RBAK: variants seen among roughly 807,000 people sequenced by gnomAD.
The protein encoded by RBAK is RB-associated KRAB zinc finger protein.
A neutral mutation model predicts 65.8 loss-of-function variants in RBAK; 39 were observed. The ratio of observed to expected loss-of-function variants is 0.59; its 90% CI spans 0.46 to 0.77. The LOEUF is 0.77. Among genes scored for constraint, RBAK ranks in the 30% least tolerant of loss-of-function variants. The probability of loss-of-function intolerance (pLI) is 0.00; values close to 1 mark genes in which losing one functional copy is unlikely to be tolerated. For synonymous variants in RBAK, 343 were observed against 289.7 expected (o/e 1.18, Z -1.87); for missense variants, 884 against 855.1 (o/e 1.03, Z -0.42).
At chr7:5,050,551 A>T (rs1376981083) in intron 2 of RBAK, among the ~76,000 whole-genome samples, 1 of 152,016 alleles carries the variant, frequency 6.6e-6, no homozygotes, top group African/African-American at 2.4e-5. Context: ...TAATTCTACC[A>T]TTTCTTCTTT....
intron 2 of RBAK, among the ~76,000 whole-genome samples, chr7:5,052,741 T>TTTGATTGATTGATTGA (rs35675888): frequency 6.6e-6 from 1 of 150,952 alleles, no homozygotes; most frequent in African/African-American, 2.4e-5. Flanking sequence ...AACAGTTATC[T>TTTGATTGATTGATTGA]TTGATTGATT....
Position 5,065,652 on chromosome 7 carries a change from A to G in RBAK, c.*51A>G, listed in dbSNP as rs372531197. The G allele has an allele frequency of 1.3e-5, 17 of 1,308,854 alleles. No individual in the cohort carries two copies. The African/African-American group carries it at 2.5e-4, about 19-fold the overall frequency. The allele number at this position is 1,308,854 out of a possible 1,614,324, so 81.1% of individuals were successfully genotyped here. On this transcript the variant is annotated 3_prime_UTR_variant, in exon 5 of 5. Transcript: ENST00000396912. The surrounding 1 kb of genome is among the most constrained non-coding windows in gnomAD (Gnocchi z 5.3). ...TCTCTGAATATAATGAATATGGGGA[A>G]TCCAATAGGAAGTCAAAGCGTTTAT...
rs1779151907 is a variant in RBAK, at chr7:5,064,044, G to A, written c.588G>A (p.Gln196=). 6.2e-7 allele frequency: 1 copy of A among 1,612,884 alleles called. No homozygotes were observed. The highest frequency in any genetic ancestry group is 1.3e-5 in the African/African-American group (1 of 74,832). The change falls in exon 5 of 5, where the codon CAG becomes CAA. Residue 196 remains glutamine (Q), a synonymous_variant. Coordinates refer to ENST00000396912, the MANE Select transcript of RBAK (RefSeq NM_021163.4). The surrounding 1 kb of genome is among the most constrained non-coding windows in gnomAD (Gnocchi z 6.3). ...CTCACAATGAAGAAAATATTCTTCA[G>A]AAAATTAGTATTTTGGAGAAACCCT... ...TYSHNEENIL[Q]KISILEKPFE... is the part of the protein sequence containing the mutation.
chr7:5,065,082 T>G lies in RBAK; in HGVS notation c.1626T>G (p.Asn542Lys). The change falls in exon 5 of 5, where the codon AAT (asparagine) becomes AAG (lysine). Residue 542 changes from asparagine to lysine, a missense_variant. Physicochemically the swap from Asn to Lys is moderately conservative, Grantham distance 94. Coordinates refer to ENST00000396912, the MANE Select transcript of RBAK (RefSeq NM_021163.4). This position sits in a 1 kb window ranked among gnomAD's most constrained non-coding sequence, Gnocchi z 5.3. ...AAGGGGAGAAATCCTATGAATGTAA[T>G]GTATGTGGAAAGTTATTCAATGAGT... ...LPKGEKSYECNVCGKLFNELS... is the reference protein window; with the variant it reads ...LPKGEKSYECKVCGKLFNELS... The G allele has an allele frequency of 1.9e-6, 3 of 1,613,952 alleles. No homozygotes were observed. The highest frequency in any genetic ancestry group is 2.5e-6 in the Non-Finnish European group (3 of 1,179,958).
At chr7:5,052,226 T>G (rs997191517) in intron 2 of RBAK, among the ~76,000 whole-genome samples, 9 of 152,230 alleles carry the variant, frequency 5.9e-5, no homozygotes, top group Non-Finnish European at 1.3e-4. Flanking sequence ...CTTTTACTTA[T>G]AACGTATTTG....
chr7:5,063,746 A>G lies in RBAK; in HGVS notation c.290A>G (p.Lys97Arg), dbSNP rs767733077. The change falls in exon 5 of 5, where the codon AAA (lysine) becomes AGA (arginine). Residue 97 changes from lysine to arginine, a missense_variant. Coordinates refer to ENST00000396912, the MANE Select transcript of RBAK (RefSeq NM_021163.4). ...LIERIQENEDKHSRQAACINS... is the reference protein window; with the variant it reads ...LIERIQENEDRHSRQAACINS... ...GAGAGAATCCAAGAAAACGAAGACA[A>G]ACATTCAAGGCAAGCTGCTTGTATC... 19 of 1,612,880 alleles carry G rather than the reference A, an allele frequency of 1.2e-5. No individual in the cohort carries two copies. The highest frequency in any genetic ancestry group is 2.2e-5 in the East Asian group (1 of 44,866).
intron 4 of RBAK, among the ~76,000 whole-genome samples, chr7:5,059,412 C>G (rs1328887719): frequency 6.6e-6 from 1 of 151,990 alleles, no homozygotes; most frequent in Non-Finnish European, 1.5e-5. Context: ...CCTCCCCCTC[C>G]CAGGTTCAAG....
At position 5,065,385 on chromosome 7, in the gene RBAK, A is replaced by G. The variant is rs1779192894; in HGVS notation, c.1929A>G (p.Arg643=). The G allele has an allele frequency of 6.2e-7, 1 of 1,613,570 alleles. No homozygotes were observed. Among genetic ancestry groups the G allele is most frequent in the Non-Finnish European group, 8.5e-7 (1 of 1,179,844 alleles). Residue 643 remains arginine (R), a synonymous_variant, in exon 5 of 5, where the codon AGA becomes AGG. Transcript: ENST00000396912. The surrounding 1 kb of genome is among the most constrained non-coding windows in gnomAD (Gnocchi z 5.3). ...SRMSNLTVHY[R]SHSGEKPYEC... ...TGTCAAACCTCACTGTCCACTACAG[A>G]AGCCATTCAGGAGAGAAACCCTATG...
At position 5,063,792 on chromosome 7, in the gene RBAK, A is replaced by C. The variant is rs1328084243; in HGVS notation, c.336A>C (p.Glu112Asp). Residue 112 changes from glutamate to aspartate, a missense_variant, in exon 5 of 5, where the codon GAA (glutamate) becomes GAC (aspartate). By Grantham distance (45) the Glu-to-Asp change is conservative. Coordinates refer to ENST00000396912, the MANE Select transcript of RBAK (RefSeq NM_021163.4). The part of the protein sequence containing the change: ...AACINSKTLT[E>D]EKENTFSQIY... The stretch of plus-strand genomic sequence containing the variant: ...GTATCAATAGCAAAACCCTGACTGA[A>C]GAGAAAGAGAATACATTTAGTCAAA... The C allele has an allele frequency of 1.2e-6, 2 of 1,613,990 alleles. No homozygotes were observed. The highest frequency in any genetic ancestry group is 1.7e-6 in the Non-Finnish European group (2 of 1,179,948).
chr7:5,063,477 CTGTG>C (rs71535175), intron 4 of RBAK, among the ~76,000 whole-genome samples: 2,984 of 147,282 alleles, frequency 0.02, 81 homozygotes, highest in African/African-American at 0.066. Flanking sequence ...AATTCTTTCA[CTGTG>C]TGTGTGTGTG....
In RBAK at chr7:5,045,868, C is replaced by G. The variant is rs1787962622; in HGVS notation, c.-573C>G. The G allele has an allele frequency of 5.9e-6, 2 of 338,452 alleles. No individual in the cohort carries two copies. The highest frequency in any genetic ancestry group is 1.1e-5 in the Non-Finnish European group (2 of 178,540). 21.0% of individuals were successfully genotyped at this position (338,452 alleles called of 1,614,324 possible). ...ATGCGCGCCGCCGCTGCACTGCCCT[C>G]GCTTCCTGTGCGTCCTCAGGTCACC... On this transcript the variant is annotated 5_prime_UTR_variant, in exon 1 of 5. Coordinates refer to ENST00000396912, the MANE Select transcript of RBAK (RefSeq NM_021163.4).
At position 5,056,051 on chromosome 7, in the gene RBAK, C is replaced by G. The variant is rs1319283968; in HGVS notation, c.16-1244C>G. Reference sequence around the variant, plus strand: ...CTGGCTCAAGCCTGTAATCCCAACACTTTGGGAGGCCAAGGCAGGTGGATT... The same window carrying G: ...CTGGCTCAAGCCTGTAATCCCAACAGTTTGGGAGGCCAAGGCAGGTGGATT... On this transcript the variant is annotated intron_variant, in intron 2 of 4. Coordinates refer to ENST00000396912, the MANE Select transcript of RBAK (RefSeq NM_021163.4). 2.0e-5 allele frequency among the ~76,000 whole-genome samples: 3 copies of G among 150,892 alleles called. No homozygotes were observed. The East Asian group carries it at 5.9e-4, about 30-fold the overall frequency.
chr7:5,065,246 G>A lies in RBAK; in HGVS notation c.1790G>A (p.Cys597Tyr), dbSNP rs1477386578. 3 of 1,613,782 alleles carry A rather than the reference G, an allele frequency of 1.9e-6. No homozygotes were observed. Among genetic ancestry groups the A allele is most frequent in the Non-Finnish European group, 2.5e-6 (3 of 1,179,918 alleles). ...RVHTGEKPYE[C>Y]YECGKFFSQK... ...CACACAGGCGAGAAACCCTATGAAT[G>A]TTACGAATGTGGAAAATTCTTCTCT... Residue 597 changes from cysteine (C) to tyrosine (Y), a missense_variant, in exon 5 of 5, where the codon TGT (cysteine) becomes TAT (tyrosine). Transcript: ENST00000396912. The surrounding 1 kb of genome is among the most constrained non-coding windows in gnomAD (Gnocchi z 5.3).
In RBAK at chr7:5,064,609, A is replaced by C; in HGVS notation, c.1153A>C (p.Lys385Gln). ...CNECGKSFSR[K>Q]SALSDHQRTH... ...CGAATGTGGGAAATCCTTCTCCCGC[A>C]AGTCTGCTCTCAGTGACCATCAGAG... The change falls in exon 5 of 5, where the codon AAG becomes CAG. Residue 385 changes from lysine (K) to glutamine (Q), a missense_variant. Coordinates refer to ENST00000396912, the MANE Select transcript of RBAK (RefSeq NM_021163.4). This position sits in a 1 kb window ranked among gnomAD's most constrained non-coding sequence, Gnocchi z 6.3. The C allele has an allele frequency of 6.2e-7, 1 of 1,613,914 alleles. No individual in the cohort carries two copies. The highest frequency in any genetic ancestry group is 2.2e-5 in the East Asian group (1 of 44,862).
intron 2 of RBAK, among the ~76,000 whole-genome samples, chr7:5,050,394 C>T (rs1788089672): frequency 6.6e-6 from 1 of 152,090 alleles, no homozygotes; most frequent in Non-Finnish European, 1.5e-5. Flanking sequence ...ATGTTCAATT[C>T]TTTTCACACA....
Position 5,063,912 on chromosome 7 carries a change from T to C in RBAK, c.456T>C (p.Ser152=). The change falls in exon 5 of 5, where the codon AGT becomes AGC. Residue 152 remains serine (S), a synonymous_variant. Transcript: ENST00000396912. ...TAGAATCTATTTCGCAATTAATTAG[T>C]AGTGATGGAAGCTATGCTAGGACAA... The part of the protein sequence containing the change: ...KNLESISQLI[S]SDGSYARTKP... 2 of 1,613,930 alleles carry C rather than the reference T, an allele frequency of 1.2e-6. No individual in the cohort carries two copies. The highest frequency in any genetic ancestry group is 1.7e-6 in the Non-Finnish European group (2 of 1,179,870).
intron 2 of RBAK, among the ~76,000 whole-genome samples, chr7:5,053,802 C>T (rs1249820901): frequency 6.6e-6 from 1 of 152,144 alleles, no homozygotes; most frequent in Admixed American, 6.6e-5. Flanking sequence ...TAGCGTGGGT[C>T]TTTTTTACAT....
At chr7:5,051,576 AT>A (rs1788118583) in intron 2 of RBAK, among the ~76,000 whole-genome samples, 1 of 152,076 alleles carries the variant, frequency 6.6e-6, no homozygotes, top group African/African-American at 2.4e-5. Context: ...GCAATTTTTA[AT>A]TTTTGGTAGA....
rs944445483 is a variant in RBAK, at chr7:5,063,803, A to G, written c.347A>G (p.Asn116Ser). ...NSKTLTEEKE[N>S]TFSQIYMETS... The stretch of plus-strand genomic sequence containing the variant: ...AAAACCCTGACTGAAGAGAAAGAGA[A>G]TACATTTAGTCAAATTTACATGGAA... The change falls in exon 5 of 5, where the codon AAT (asparagine) becomes AGT (serine). Residue 116 changes from asparagine (N) to serine (S), a missense_variant. Asn to Ser is a conservative substitution (Grantham distance 46). Coordinates refer to ENST00000396912, the MANE Select transcript of RBAK (RefSeq NM_021163.4). 6.2e-7 allele frequency: 1 copy of G among 1,614,006 alleles called. No individual in the cohort carries two copies. The highest frequency in any genetic ancestry group is 1.3e-5 in the African/African-American group (1 of 75,070).
Sources: gnomAD v4.1 joint callset for allele counts (sites outside exome capture counted in the v4.1 genomes callset) on GRCh38, gnomAD v4.1.1 for gene constraint, Gnocchi (gnomAD v3.1) non-coding constraint, MANE v1.5 for transcripts, NCBI Gene and HGNC (gene_info 2026-07-23, HGNC 2026-07-21) for gene names.